Variants in FTCD observed in about 807,000 individuals in gnomAD.
FTCD encodes the protein formimidoyltransferase cyclodeaminase, also known as formimidoyltransferase-cyclodeaminase.
Under a neutral mutation model 62.9 loss-of-function variants are expected in FTCD, and 76 were observed. The observed-to-expected ratio is 1.21, with a 90% confidence interval of 1.00 to 1.46. The LOEUF is 1.46. Ranked by LOEUF, FTCD falls within the 40% of genes most tolerant of loss-of-function variation. FTCD has a pLI of 0.00. For synonymous variants in FTCD, 397 were observed against 336.9 expected (o/e 1.18, Z -1.95); for missense variants, 845 against 751.3 (o/e 1.12, Z -1.46).
At chr21:46,144,097 C>CTGTGCGG (rs1418550468) in intron 10 of FTCD, among the ~76,000 whole-genome samples, 2 of 151,962 alleles carry the variant, frequency 1.3e-5, no homozygotes, top group Non-Finnish European at 2.9e-5. Context: ...GAAGGGGCCC[C>CTGTGCGG]TGTGCGGTGG....
Position 46,155,528 on chromosome 21 carries a change from A to G in FTCD, c.-5T>C. On this transcript the variant is annotated 5_prime_UTR_variant, in exon 1 of 14. Coordinates refer to ENST00000397746, the MANE Select transcript of FTCD (RefSeq NM_206965.2). ...GCATTCCACCAGCTGGGACATGGCC[A>G]GCACCTTGATCCAGATGCTCCTCTC... 1 of 1,612,660 alleles carries G rather than the reference A, an allele frequency of 6.2e-7. No individual in the cohort carries two copies. Among genetic ancestry groups the G allele is most frequent in the Non-Finnish European group, 8.5e-7 (1 of 1,179,704 alleles).
downstream of FTCD, chr21:46,136,557 C>T (rs190578543): frequency 3.4e-4 from 545 of 1,588,792 alleles, 3 homozygotes; most frequent in African/African-American, 5.8e-3. Context: ...GCCCAGGGAC[C>T]TGCACTGAAC....
chr21:46,138,993 C>A (rs1161009408), intron 10 of FTCD, 70 bp from the exon 11 acceptor site: 2 of 1,179,822 alleles, frequency 1.7e-6, no homozygotes, highest in Admixed American at 3.4e-5. Flanking sequence ...TGAGCTCCCA[C>A]AAGGGGCTGT....
In FTCD at chr21:46,137,296, TGCGCCAAACAC is replaced by T. The variant is rs2078891827; in HGVS notation, c.1471_1481del (p.Val491IlefsTer17). On this transcript the variant is annotated frameshift_variant, in exon 13 of 14. Transcript: ENST00000397746. LOFTEE classifies it high-confidence loss of function. ...TCAGGTTGATGAGCACGTTGAAATA[TGCGCCAAACAC>T]GCCCATCTCCAGGGCTTTGGCCGCC... 6.2e-7 allele frequency: 1 copy of T among 1,613,902 alleles called. No individual in the cohort carries two copies. The highest frequency in any genetic ancestry group is 2.2e-5 in the East Asian group (1 of 44,866).
chr21:46,137,825 G>A (rs141442835), intron 12 of FTCD, among the ~76,000 whole-genome samples: 98 of 135,244 alleles, frequency 7.2e-4, no homozygotes, highest in Middle Eastern at 3.5e-3. Context: ...CTCCTTCTCT[G>A]GGACCCTCTG....
In FTCD at chr21:46,154,228, C is replaced by T. The variant is rs146729931; in HGVS notation, c.159G>A (p.Gly53=). The part of the protein sequence containing the change: ...STNRTVYTFV[G]PPECVVEGAL... ...CCCCCTCCACCACGCACTCCGGCGGCCCCACGAAGGTGTACACGGTGCGGT... is the reference window on the plus strand; with the variant it reads ...CCCCCTCCACCACGCACTCCGGCGGTCCCACGAAGGTGTACACGGTGCGGT... Residue 53 remains glycine, a synonymous_variant, in exon 2 of 14, where the codon GGG becomes GGA. Coordinates refer to ENST00000397746, the MANE Select transcript of FTCD (RefSeq NM_206965.2). The T allele has an allele frequency of 1.3e-5, 21 of 1,612,712 alleles. No individual in the cohort carries two copies. The highest frequency in any genetic ancestry group is 1.8e-5 in the Non-Finnish European group (21 of 1,179,994).
Position 46,151,879 on chromosome 21 carries a change from G to T in FTCD, c.456+13C>A, listed in dbSNP as rs377758230. The T allele has an allele frequency of 3.2e-6, 5 of 1,556,218 alleles. No homozygotes were observed. Among genetic ancestry groups the T allele is most frequent in the African/African-American group, 1.4e-5 (1 of 73,576 alleles). The stretch of plus-strand genomic sequence containing the variant: ...ACCTCCTTCCCAGGCCCGACCGCCC[G>T]GGGTGGGGGCACCTTCTTAGGGAGG... On this transcript the variant is annotated intron_variant, in intron 4 of 13. Coordinates refer to ENST00000397746, the MANE Select transcript of FTCD (RefSeq NM_206965.2).
chr21:46,148,219 G>A (rs2079192677), intron 7 of FTCD, among the ~76,000 whole-genome samples: 1 of 152,186 alleles, frequency 6.6e-6, no homozygotes, highest in Admixed American at 6.5e-5. Flanking sequence ...CAGGAGGAAG[G>A]GGGTCGCCTT....
chr21:46,141,061 A>C (rs2078993728), intron 10 of FTCD, among the ~76,000 whole-genome samples: 1 of 152,230 alleles, frequency 6.6e-6, no homozygotes, highest in South Asian at 2.1e-4. Flanking sequence ...ATTTTCATCT[A>C]TGTACTTTTC....
rs1568956730 is a variant in FTCD, at chr21:46,136,997, CG to C, written c.1615del (p.Arg539GlyfsTer26). 1 of 1,613,380 alleles carries C rather than the reference CG, an allele frequency of 6.2e-7. No individual in the cohort carries two copies. The highest frequency in any genetic ancestry group is 1.7e-5 in the Admixed American group (1 of 60,028). ...AGGCCTCCCGCACCGTCACTCCTGC[CG>C]GGTCTCCAAGCAGTCCAGCACCAGT... ...AALVLDCLET[R>X]QE On this transcript the variant is annotated frameshift_variant, in exon 14 of 14. Transcript: ENST00000397746. LOFTEE classifies it high-confidence loss of function.
chr21:46,153,277 G>A (rs1203324761), intron 2 of FTCD, among the ~76,000 whole-genome samples: 1 of 152,198 alleles, frequency 6.6e-6, no homozygotes. Context: ...AGCCAGTGTG[G>A]GGGAGGTCCT....
In FTCD at chr21:46,155,532, C is replaced by A. The variant is rs544967935; in HGVS notation, c.-9G>T. ...TCCACCAGCTGGGACATGGCCAGCA[C>A]CTTGATCCAGATGCTCCTCTCTGGG... On this transcript the variant is annotated 5_prime_UTR_variant, in exon 1 of 14. Coordinates refer to ENST00000397746, the MANE Select transcript of FTCD (RefSeq NM_206965.2). The A allele has an allele frequency of 6.8e-6, 11 of 1,612,248 alleles. No homozygotes were observed. The African/African-American group carries it at 1.5e-4, about 21-fold the overall frequency.
intron 10 of FTCD, among the ~76,000 whole-genome samples, chr21:46,143,875 T>C (rs1171250688): frequency 6.6e-6 from 1 of 152,190 alleles, no homozygotes. Flanking sequence ...CCACCCGCAG[T>C]TATCCCGAGG....
chr21:46,137,169 G>C, intron 13 of FTCD, 70 bp downstream of exon 13: 1 of 1,582,708 alleles, frequency 6.3e-7, no homozygotes, highest in Non-Finnish European at 8.7e-7. Flanking sequence ...CAGCCAGTCG[G>C]CAATCACCCT....
rs1025694346 is a variant in FTCD, at chr21:46,137,852, G to A, written c.1444-518C>T. 2.3e-4 allele frequency among the ~76,000 whole-genome samples: 7 copies of A among 29,946 alleles called. No individual in the cohort carries two copies. In the East Asian group the frequency reaches 0.028, roughly 121 times the overall value. 19.6% of individuals were successfully genotyped at this position (29,946 alleles called of 152,430 possible). A position where few individuals can be genotyped will look rare whatever the true frequency, so the allele number is the denominator to read the frequency against. On this transcript the variant is annotated intron_variant, in intron 12 of 13. Transcript: ENST00000397746. ...GACCCTCTGCCCAGCTGTGGCCCCT[G>A]TCAGTGTGAGGCATCTACTTCCAAG...
chr21:46,155,525 G>A lies in FTCD; in HGVS notation c.-2C>T. The A allele has an allele frequency of 1.9e-6, 3 of 1,612,316 alleles. No individual in the cohort carries two copies. Among genetic ancestry groups the A allele is most frequent in the Non-Finnish European group, 2.5e-6 (3 of 1,179,420 alleles). Reference sequence around the variant, plus strand: ...GACGCATTCCACCAGCTGGGACATGGCCAGCACCTTGATCCAGATGCTCCT... The same window carrying A: ...GACGCATTCCACCAGCTGGGACATGACCAGCACCTTGATCCAGATGCTCCT... On this transcript the variant is annotated 5_prime_UTR_variant, in exon 1 of 14. Coordinates refer to ENST00000397746, the MANE Select transcript of FTCD (RefSeq NM_206965.2).
rs757551172 is a variant in FTCD at position 46,137,313 on chromosome 21, T to G, written c.1465A>C (p.Met489Leu). ...TTGAAATATGCGCCAAACACGCCCATCTCCAGGGCTTTGGCCGCCACCTGC... is the reference window on the plus strand; with the variant it reads ...TTGAAATATGCGCCAAACACGCCCAGCTCCAGGGCTTTGGCCGCCACCTGC... ...DLQVAAKALE[M>L]GVFGAYFNVL... Residue 489 changes from methionine (M) to leucine (L), a missense_variant, in exon 13 of 14, where the codon ATG becomes CTG. Coordinates refer to ENST00000397746, the MANE Select transcript of FTCD (RefSeq NM_206965.2). 7.4e-6 allele frequency: 12 copies of G among 1,613,484 alleles called. No individual in the cohort carries two copies. Among genetic ancestry groups the G allele is most frequent in the Non-Finnish European group, 8.5e-7 (1 of 1,179,848 alleles).
In FTCD at chr21:46,151,597, G is replaced by T; in HGVS notation, c.597C>A (p.Ile199=). The stretch of plus-strand genomic sequence containing the variant: ...GGCCCTGCTCCCGCAGGTTGAGCGC[G>T]ATGCGGTGGGCTTGCTCCTTTGTGC... The part of the protein sequence containing the change: ...LLGTKEQAHR[I]ALNLREQGRG... Residue 199 remains isoleucine, a synonymous_variant, in exon 5 of 14, where the codon ATC becomes ATA. Coordinates refer to ENST00000397746, the MANE Select transcript of FTCD (RefSeq NM_206965.2). The T allele has an allele frequency of 6.2e-7, 1 of 1,612,996 alleles. No individual in the cohort carries two copies. The highest frequency in any genetic ancestry group is 8.5e-7 in the Non-Finnish European group (1 of 1,179,960).
Position 46,137,257 on chromosome 21 carries a change from G to A in FTCD, c.1521C>T (p.Asp507=), listed in dbSNP as rs141582814. 85 of 1,613,012 alleles carry A rather than the reference G, an allele frequency of 5.3e-5. No homozygotes were observed. The highest frequency in any genetic ancestry group is 1.9e-4 in the South Asian group (17 of 91,062). ...TGCTCACCTGGTCCTTAAATGCCTC[G>A]TCTGTGATGTCCCTCAGGTTGATGA... ...NVLINLRDIT[D]EAFKDQIHHR... Residue 507 remains aspartate (D), a synonymous_variant, in exon 13 of 14, where the codon GAC becomes GAT. Transcript: ENST00000397746.
Sources: allele counts gnomAD v4.1 joint callset (sites outside exome capture counted in the v4.1 genomes callset), GRCh38; gene constraint gnomAD v4.1.1; transcripts MANE v1.5; gene names NCBI Gene and HGNC (gene_info 2026-07-23, HGNC 2026-07-21).